The following CASP4 variants were observed in gnomAD, a reference collection of about 807,000 sequenced individuals.
CASP4 encodes caspase-4.
Under a neutral mutation model 41.3 loss-of-function variants are expected in CASP4, and 29 were observed. That is an observed-to-expected ratio of 0.70 (90% confidence interval 0.52 to 0.96). CASP4 has a LOEUF of 0.96. CASP4 is among the 40% of genes least tolerant of loss of function. CASP4 has a pLI of 0.00. For synonymous variants in CASP4, 185 were observed against 158.4 expected (o/e 1.17, Z -1.26); for missense variants, 447 against 460.6 (o/e 0.97, Z 0.27).
In CASP4 at chr11:104,963,355, C is replaced by A. The variant is rs56405849; in HGVS notation, c.7+5164G>T. Among the ~76,000 whole-genome samples the A allele has an allele frequency of 6.2e-3, 939 of 152,076 alleles. 5 individuals are homozygous for A. The highest frequency in any genetic ancestry group is 0.022 in the African/African-American group (895 of 41,468). On this transcript the variant is annotated intron_variant, in intron 1 of 8. Coordinates refer to ENST00000444739, the MANE Select transcript of CASP4 (RefSeq NM_001225.4). Reference sequence around the variant, plus strand: ...GAAAAACAGAGGAAGCACCACAGACCCCATTTTGGGAAAAACAAACAACAA... The same window carrying A: ...GAAAAACAGAGGAAGCACCACAGACACCATTTTGGGAAAAACAAACAACAA...
At chr11:104,943,395 T>C (rs1320900571) in intron 8 of CASP4, 1 of 172,614 alleles carries the variant, frequency 5.8e-6, no homozygotes, top group Non-Finnish European at 1.2e-5. Flanking sequence ...TATTCTGTGC[T>C]GGAACACTTT....
intron 5 of CASP4, 86 bp from the exon 6 acceptor site, chr11:104,948,762 C>T (rs1173962345): frequency 3.2e-6 from 4 of 1,267,484 alleles, no homozygotes; most frequent in South Asian, 3.4e-5. Flanking sequence ...TTTGAATGTT[C>T]ATTCTTACTA....
At chr11:104,947,017 T>C in intron 7 of CASP4, 66 bp downstream of exon 7, 1 of 1,157,202 alleles carries the variant, frequency 8.6e-7, no homozygotes. Flanking sequence ...CATTGTGAAG[T>C]AAAAAGTGAA....
In CASP4 at chr11:104,955,017, A is replaced by G; in HGVS notation, c.8-16T>C. 1 of 1,610,152 alleles carries G rather than the reference A, an allele frequency of 6.2e-7. No homozygotes were observed. The highest frequency in any genetic ancestry group is 1.1e-5 in the South Asian group (1 of 90,616). On this transcript the variant is annotated splice_polypyrimidine_tract_variant and intron_variant, in intron 1 of 8. Coordinates refer to ENST00000444739, the MANE Select transcript of CASP4 (RefSeq NM_001225.4). ...TGGTTGCCTTCTGTTAGAAATAGAA[A>G]GATTCCTTTAACTATGGGCACAGCT...
At chr11:104,953,601 T>A (rs1333155718) in intron 2 of CASP4, among the ~76,000 whole-genome samples, 4 of 152,154 alleles carry the variant, frequency 2.6e-5, no homozygotes, top group Non-Finnish European at 4.4e-5. Flanking sequence ...TGCTCCCTGT[T>A]GGTAGGAACA....
intron 2 of CASP4, among the ~76,000 whole-genome samples, chr11:104,952,557 T>C (rs1258104081): frequency 1.3e-5 from 2 of 152,186 alleles, no homozygotes; most frequent in African/African-American, 4.8e-5. Context: ...AAATGCTTAA[T>C]AGTTATCCCA....
At position 104,968,536 on chromosome 11, in the gene CASP4, C is replaced by T; in HGVS notation, c.-11G>A. On this transcript the variant is annotated 5_prime_UTR_variant, in exon 1 of 9. Coordinates refer to ENST00000444739, the MANE Select transcript of CASP4 (RefSeq NM_001225.4). The stretch of plus-strand genomic sequence containing the variant: ...GGACTCACCTGCCATAGGGAACAGC[C>T]TCTGTCCTTTTTTACAGCGTTGGAA... 1.2e-6 allele frequency: 2 copies of T among 1,613,160 alleles called. No individual in the cohort carries two copies. Among genetic ancestry groups the T allele is most frequent in the Non-Finnish European group, 1.7e-6 (2 of 1,179,200 alleles).
chr11:104,947,155 G>A lies in CASP4; in HGVS notation c.963C>T (p.Ile321=). ...AGCATGTGATGAGTTGTGTGATGAA[G>A]ATAGAGCCCATTGTGCTGTCTCTCC... ...VSWRDSTMGS[I]FITQLITCFQ... Residue 321 remains isoleucine (I), a synonymous_variant, in exon 7 of 9, where the codon ATC becomes ATT. Coordinates refer to ENST00000444739, the MANE Select transcript of CASP4 (RefSeq NM_001225.4). 2 of 1,612,668 alleles carry A rather than the reference G, an allele frequency of 1.2e-6. No individual in the cohort carries two copies. Among genetic ancestry groups the A allele is most frequent in the South Asian group, 1.1e-5 (1 of 91,026 alleles).
At chr11:104,946,040 T>G (rs578146196) in intron 7 of CASP4, among the ~76,000 whole-genome samples, 12 of 152,156 alleles carry the variant, frequency 7.9e-5, no homozygotes, top group African/African-American at 2.7e-4. Flanking sequence ...GAGATGGGTT[T>G]TGCCATGTTG....
intron 1 of CASP4, among the ~76,000 whole-genome samples, chr11:104,961,088 T>C (rs1860847700): frequency 6.6e-6 from 1 of 152,218 alleles, no homozygotes; most frequent in South Asian, 2.1e-4. Flanking sequence ...GCTACCTGCT[T>C]GTGGTTTGGT....
chr11:104,966,454 AATATT>A (rs1251143224), intron 1 of CASP4, among the ~76,000 whole-genome samples: 1 of 152,246 alleles, frequency 6.6e-6, no homozygotes, highest in African/African-American at 2.4e-5. Flanking sequence ...TAAAATGAAA[AATATT>A]ATAAGAATGT....
chr11:104,945,576 C>T (rs981303170), intron 7 of CASP4, among the ~76,000 whole-genome samples: 1 of 151,978 alleles, frequency 6.6e-6, no homozygotes, highest in Admixed American at 6.6e-5. Flanking sequence ...ATCTTTAAGA[C>T]CCAAACACTG....
intron 8 of CASP4, chr11:104,943,407 C>A (rs1161598848): frequency 6.0e-6 from 1 of 166,818 alleles, no homozygotes; most frequent in Non-Finnish European, 1.3e-5. Flanking sequence ...GAACACTTTT[C>A]CTGCATAAGA....
chr11:104,944,907 C>T (rs1222815857), intron 7 of CASP4, 56 bp from the exon 8 acceptor site: 11 of 1,157,610 alleles, frequency 9.5e-6, no homozygotes, highest in Non-Finnish European at 1.3e-5. Flanking sequence ...TCTCAGAAAG[C>T]ATCTTTCACC....
chr11:104,948,330 A>C (rs1294320346), intron 6 of CASP4: 1 of 400,004 alleles, frequency 2.5e-6, no homozygotes, highest in East Asian at 3.7e-5. Flanking sequence ...TCATCTGTTT[A>C]AATGGTGAGT....
intron 1 of CASP4, among the ~76,000 whole-genome samples, chr11:104,957,273 TA>T (rs1860757208): frequency 6.6e-6 from 1 of 152,118 alleles, no homozygotes; most frequent in African/African-American, 2.4e-5. Context: ...AAACCATCTT[TA>T]AAAAATAAAT....
At position 104,951,065 on chromosome 11, in the gene CASP4, G is replaced by A. The variant is rs749529160; in HGVS notation, c.406C>T (p.Arg136Cys). 42 of 1,613,110 alleles carry A rather than the reference G, an allele frequency of 2.6e-5. No homozygotes were observed. Among genetic ancestry groups the A allele is most frequent in the Admixed American group, 8.3e-5 (5 of 59,920 alleles). Residue 136 changes from arginine to cysteine, a missense_variant, in exon 4 of 9, where the codon CGC becomes TGC. By Grantham distance (180) the Arg-to-Cys change is radical. Transcript: ENST00000444739. ...YPIKERNNRT[R>C]LALIICNTEF... Reference sequence around the variant, plus strand: ...GTATTGCATATGATGAGAGCCAGGCGTGTGCGGTTGTTTCTCTCCTTTATT... The same window carrying A: ...GTATTGCATATGATGAGAGCCAGGCATGTGCGGTTGTTTCTCTCCTTTATT...
chr11:104,964,469 ACT>A (rs1180130831), intron 1 of CASP4, among the ~76,000 whole-genome samples: 1 of 152,116 alleles, frequency 6.6e-6, no homozygotes, highest in Non-Finnish European at 1.5e-5. Context: ...GAATTTGGAA[ACT>A]CTTTGTAAGT....
At chr11:104,961,022 AT>A (rs1860846802) in intron 1 of CASP4, among the ~76,000 whole-genome samples, 1 of 152,242 alleles carries the variant, frequency 6.6e-6, no homozygotes, top group African/African-American at 2.4e-5. Context: ...CCTTTGCAAA[AT>A]TATAACTGAG....
Sources: gnomAD v4.1 joint callset for allele counts (sites outside exome capture counted in the v4.1 genomes callset) on GRCh38, gnomAD v4.1.1 for gene constraint, MANE v1.5 for transcripts, NCBI Gene and HGNC (gene_info 2026-07-23, HGNC 2026-07-21) for gene names.